Variants in MPDZ observed in about 807,000 individuals in gnomAD.
The protein encoded by MPDZ is multiple PDZ domain protein.
MPDZ carries 234 observed loss-of-function variants against 239.1 expected under a neutral mutation model. The observed-to-expected ratio is 0.98, with a 90% CI of 0.88 to 1.09. The LOEUF is 1.09. Ranked by LOEUF, MPDZ falls within the 50% of genes least tolerant of loss-of-function variation. The pLI, the probability that MPDZ is intolerant of heterozygous loss-of-function variation, is 0.00. For missense variants in MPDZ, 3,175 were observed against 2,510.0 expected, an observed-to-expected ratio of 1.26 and a Z score of -5.66; for synonymous variants, 1,048 against 881.3, an observed-to-expected ratio of 1.19 and a Z score of -3.35.
intron 12 of MPDZ, among the ~76,000 whole-genome samples, chr9:13,201,352 T>A (rs1956367249): frequency 6.7e-6 from 1 of 148,928 alleles, no homozygotes; most frequent in South Asian, 2.1e-4. Context: ...ATGCTTTCAG[T>A]ATTTTTTTTT....
In MPDZ at chr9:13,181,743, C is replaced by T. The variant is rs1953365170; in HGVS notation, c.2649+1675G>A. Among the ~76,000 whole-genome samples, 2 of 152,154 alleles carry T rather than the reference C, an allele frequency of 1.3e-5. 1 individual carries two copies. The highest frequency in any genetic ancestry group is 4.1e-4 in the South Asian group (2 of 4,832). On this transcript the variant is annotated intron_variant, in intron 19 of 46. Transcript: ENST00000319217. ...CAGCATTTGCCCTGTAAAATATATG[C>T]TTCTCAGTATGCAGATTGTGTAATC...
rs114891073 is a variant in MPDZ, at chr9:13,222,386, C to T, written c.594G>A (p.Gln198=). The change falls in exon 6 of 47, where the codon CAG becomes CAA. Residue 198 remains glutamine (Q), a synonymous_variant. Coordinates refer to ENST00000319217, the MANE Select transcript of MPDZ (RefSeq NM_001378778.1). The part of the protein sequence containing the change: ...ILAINGQALD[Q]TITHQQAISI... The stretch of plus-strand genomic sequence containing the variant: ...TGATAGCCTGCTGATGTGTAATTGT[C>T]TGATCAAGAGCCTGTCCATTGATAG... 1,413 of 1,612,874 alleles carry T rather than the reference C, an allele frequency of 8.8e-4. 11 individuals carry two copies. In the African/African-American group the frequency reaches 0.016, roughly 19 times the overall value.
At chr9:13,238,130 G>C (rs546401000) in intron 3 of MPDZ, among the ~76,000 whole-genome samples, 2 of 152,186 alleles carry the variant, frequency 1.3e-5, no homozygotes, top group Admixed American at 1.3e-4. Flanking sequence ...AGAGCAGCCT[G>C]TGAAACTGAG....
At chr9:13,162,490 ATATT>A (rs1204744722) in intron 23 of MPDZ, among the ~76,000 whole-genome samples, 197 bp downstream of exon 23, 1 of 151,830 alleles carries the variant, frequency 6.6e-6, no homozygotes, top group Non-Finnish European at 1.5e-5. Flanking sequence ...ATTAATTTGA[ATATT>A]TATATATTTC....
intron 1 of MPDZ, among the ~76,000 whole-genome samples, chr9:13,268,719 A>G (rs1257919579): frequency 6.6e-6 from 1 of 152,222 alleles, no homozygotes; most frequent in Non-Finnish European, 1.5e-5. Context: ...TAAGGGAAGG[A>G]CATCTGCTAA....
chr9:13,218,181 T>C (rs1958613933), intron 8 of MPDZ, among the ~76,000 whole-genome samples: 2 of 151,872 alleles, frequency 1.3e-5, no homozygotes, highest in African/African-American at 4.8e-5. Flanking sequence ...CAGTAAAGTT[T>C]GATTTATTTT....
intron 10 of MPDZ, among the ~76,000 whole-genome samples, chr9:13,211,054 C>T (rs1178140873): frequency 6.6e-6 from 1 of 152,054 alleles, no homozygotes; most frequent in Non-Finnish European, 1.5e-5. Context: ...GAGTGATATA[C>T]CCTCTATCTC....
chr9:13,214,554 G>A (rs10960970), intron 10 of MPDZ, among the ~76,000 whole-genome samples: 75,557 of 151,848 alleles, frequency 0.5, 23,239 homozygotes, highest in Non-Finnish European at 0.67. Context: ...CATTTTAAAT[G>A]GGTGAATTGT....
rs145648103 is a variant in MPDZ at position 13,175,123 on chromosome 9, G to A, written c.3055+629C>T. On this transcript the variant is annotated intron_variant, in intron 21 of 46. Coordinates refer to ENST00000319217, the MANE Select transcript of MPDZ (RefSeq NM_001378778.1). ...AGACAGGGCTGAGTCACATGACTGT[G>A]TAACTCAATGAGAGAACAAATGTGC... Among the ~76,000 whole-genome samples, 122 of 152,280 alleles carry A rather than the reference G, an allele frequency of 8.0e-4. 1 individual carries two copies. Among genetic ancestry groups the A allele is most frequent in the African/African-American group, 2.8e-3 (116 of 41,560 alleles).
intron 36 of MPDZ, among the ~76,000 whole-genome samples, chr9:13,122,701 G>T (rs1349086853): frequency 6.6e-6 from 1 of 151,948 alleles, no homozygotes; most frequent in Non-Finnish European, 1.5e-5. Flanking sequence ...ATTTTTAGTA[G>T]AGATAGGGTT....
At chr9:13,215,826 G>A (rs1261574296) in intron 10 of MPDZ, among the ~76,000 whole-genome samples, 1 of 138,496 alleles carries the variant, frequency 7.2e-6, no homozygotes, top group African/African-American at 2.8e-5. Context: ...GGAGTGCAGT[G>A]GTGCAATCAT....
At chr9:13,129,747 C>G (rs1355815750) in intron 32 of MPDZ, among the ~76,000 whole-genome samples, 3 of 151,470 alleles carry the variant, frequency 2.0e-5, no homozygotes, top group South Asian at 2.1e-4. Flanking sequence ...TATTTTAAAC[C>G]TTTTTTAGAG....
intron 35 of MPDZ, among the ~76,000 whole-genome samples, chr9:13,124,747 G>T (rs1035811776): frequency 6.6e-6 from 1 of 152,130 alleles, no homozygotes; most frequent in East Asian, 1.9e-4. Context: ...GTGGCAGGCA[G>T]TACTGATCCC....
intron 31 of MPDZ, chr9:13,134,508 C>G (rs1340930521): frequency 1.3e-5 from 2 of 152,144 alleles, no homozygotes; most frequent in Non-Finnish European, 2.9e-5. Flanking sequence ...TACATAAGCT[C>G]TATGTTTATA....
chr9:13,267,751 G>A (rs1177278392), intron 1 of MPDZ, among the ~76,000 whole-genome samples: 1 of 152,160 alleles, frequency 6.6e-6, no homozygotes. Context: ...AAGGGAGAAG[G>A]GATGGAAAGA....
intron 2 of MPDZ, among the ~76,000 whole-genome samples, chr9:13,248,085 G>T (rs774926786): frequency 6.6e-6 from 1 of 151,634 alleles, no homozygotes. Flanking sequence ...AAAATTAGCC[G>T]GGCATGGTGG....
chr9:13,252,246 T>C (rs1467096672), intron 1 of MPDZ, among the ~76,000 whole-genome samples: 3 of 151,918 alleles, frequency 2.0e-5, no homozygotes, highest in African/African-American at 7.3e-5. Context: ...CCAACCCCCC[T>C]CAAAAACAAT....
chr9:13,161,308 G>A (rs899030181), intron 23 of MPDZ, among the ~76,000 whole-genome samples: 4 of 152,026 alleles, frequency 2.6e-5, no homozygotes, highest in African/African-American at 7.2e-5. Context: ...GGCGGCTCAC[G>A]CTTATAATCC....
intron 10 of MPDZ, among the ~76,000 whole-genome samples, chr9:13,211,936 CA>C (rs1022669027): frequency 1.6e-4 from 25 of 151,656 alleles, no homozygotes; most frequent in Non-Finnish European, 8.8e-5. Context: ...ACCTTAAAGA[CA>C]AAAATTAATG....
Sources: allele counts gnomAD v4.1 joint callset (sites outside exome capture counted in the v4.1 genomes callset), GRCh38; gene constraint gnomAD v4.1.1; transcripts MANE v1.5; gene names NCBI Gene and HGNC (gene_info 2026-07-23, HGNC 2026-07-21).